AGPAT3: variants seen among roughly 807,000 people sequenced by gnomAD.
AGPAT3 encodes 1-acyl-sn-glycerol-3-phosphate acyltransferase gamma.
In AGPAT3, 5 loss-of-function variants were observed where a neutral mutation model predicts 47.3. The ratio of observed to expected loss-of-function variants is 0.11; its 90% CI spans 0.06 to 0.22. The LOEUF is 0.22. Among genes scored for constraint, AGPAT3 ranks in the 10% least tolerant of loss-of-function variants. The probability of loss-of-function intolerance (pLI) is 1.00; values close to 1 mark genes in which losing one functional copy is unlikely to be tolerated. For synonymous variants in AGPAT3, 212 were observed against 208.3 expected (o/e 1.02, Z -0.15); for missense variants, 315 against 493.0 (o/e 0.64, Z 3.42).
intron 1 of AGPAT3, among the ~76,000 whole-genome samples, chr21:43,874,872 G>A (rs1462943810): frequency 6.6e-6 from 1 of 152,176 alleles, no homozygotes; most frequent in Non-Finnish European, 1.5e-5. Context: ...ATCCACTAGG[G>A]ATTGGTTCCA....
intron 7 of AGPAT3, among the ~76,000 whole-genome samples, chr21:43,973,751 C>T (rs1753471497): frequency 1.3e-5 from 2 of 152,252 alleles, no homozygotes; most frequent in Admixed American, 6.5e-5. Flanking sequence ...GCCAGGCTCC[C>T]CACAGCATGG....
At chr21:43,906,588 G>A (rs1439707670) in intron 2 of AGPAT3, among the ~76,000 whole-genome samples, 2 of 152,104 alleles carry the variant, frequency 1.3e-5, no homozygotes, top group Non-Finnish European at 2.9e-5. Flanking sequence ...TGGGACGCTT[G>A]TTCCTCATGG....
chr21:43,975,208 C>T (rs1267026175), intron 7 of AGPAT3, among the ~76,000 whole-genome samples: 1 of 138,292 alleles, frequency 7.2e-6, no homozygotes, highest in Non-Finnish European at 1.6e-5. Flanking sequence ...GTGGTGTGTT[C>T]TGGTGTGTGC....
At chr21:43,911,531 C>T (rs1172202807) in intron 2 of AGPAT3, among the ~76,000 whole-genome samples, 1 of 152,238 alleles carries the variant, frequency 6.6e-6, no homozygotes, top group Non-Finnish European at 1.5e-5. Context: ...GATGCCGCCT[C>T]GCTGGAAGGC....
intron 2 of AGPAT3, among the ~76,000 whole-genome samples, chr21:43,918,520 TG>T (rs1016752292): frequency 4.0e-5 from 6 of 150,912 alleles, no homozygotes; most frequent in African/African-American, 1.5e-4. Flanking sequence ...AACAGAAAAA[TG>T]GGGGACACTT....
chr21:43,873,850 C>A (rs9976744), intron 1 of AGPAT3, among the ~76,000 whole-genome samples: 1 of 151,966 alleles, frequency 6.6e-6, no homozygotes, highest in African/African-American at 2.4e-5. Flanking sequence ...AACCAGCTAT[C>A]AGTCTTACTC....
At chr21:43,944,077 C>CT (rs1048539652) in intron 2 of AGPAT3, among the ~76,000 whole-genome samples, 1 of 152,236 alleles carries the variant, frequency 6.6e-6, no homozygotes, top group African/African-American at 2.4e-5. Flanking sequence ...CGCCGCCTCT[C>CT]TAAGGAGCCA....
In AGPAT3 at chr21:43,930,712, AG is replaced by A. The variant is rs1422561980; in HGVS notation, c.-49+26696del. ...TGGGCTGAGGGGAGCAGAGGGAAGCAGGGCTTGCTGGCACATTCCCAGGGGG... is the reference window on the plus strand; with the variant it reads ...TGGGCTGAGGGGAGCAGAGGGAAGCAGGCTTGCTGGCACATTCCCAGGGGG... On this transcript the variant is annotated intron_variant, in intron 2 of 9. Coordinates refer to ENST00000291572, the MANE Select transcript of AGPAT3 (RefSeq NM_020132.5). This position sits in a 1 kb window ranked among gnomAD's most constrained non-coding sequence, Gnocchi z 5.0. Among the ~76,000 whole-genome samples the A allele has an allele frequency of 1.3e-5, 2 of 152,170 alleles. No individual in the cohort carries two copies. The highest frequency in any genetic ancestry group is 2.9e-5 in the Non-Finnish European group (2 of 67,988).
intron 2 of AGPAT3, among the ~76,000 whole-genome samples, chr21:43,949,898 A>G (rs1414582961): frequency 6.6e-6 from 1 of 152,158 alleles, no homozygotes; most frequent in Non-Finnish European, 1.5e-5. Context: ...AGGGGATCAT[A>G]TATCCATATC....
chr21:43,907,029 C>CTTTTTTTTT (rs760824887), intron 2 of AGPAT3, among the ~76,000 whole-genome samples: 10 of 128,802 alleles, frequency 7.8e-5, no homozygotes, highest in Non-Finnish European at 1.1e-4. Flanking sequence ...TCTTTTCTTT[C>CTTTTTTTTT]TTTTTTTTTT....
intron 6 of AGPAT3, 128 bp from the exon 7 acceptor site, chr21:43,971,260 C>T (rs554528594): frequency 8.4e-5 from 63 of 745,674 alleles, no homozygotes; most frequent in East Asian, 7.4e-4. Flanking sequence ...CTCCCCAGGA[C>T]GGGGCCAGAC....
At chr21:43,869,249 T>G (rs1421767979) in intron 1 of AGPAT3, among the ~76,000 whole-genome samples, 2 of 152,218 alleles carry the variant, frequency 1.3e-5, no homozygotes, top group Non-Finnish European at 2.9e-5. Context: ...TATTGACTCC[T>G]CATGTGAAGA....
intron 1 of AGPAT3, among the ~76,000 whole-genome samples, chr21:43,895,289 A>G (rs1383890459): frequency 2.0e-5 from 3 of 151,402 alleles, no homozygotes; most frequent in African/African-American, 7.3e-5. Flanking sequence ...GTATTTTTTT[A>G]TTAGAGACAG....
At chr21:43,873,524 C>T (rs4818871) in intron 1 of AGPAT3, among the ~76,000 whole-genome samples, 99,051 of 151,868 alleles carry the variant, frequency 0.65, 34,014 homozygotes, top group Admixed American at 0.77. Context: ...ATTACAGGCG[C>T]GCACCACCAC....
intron 1 of AGPAT3, among the ~76,000 whole-genome samples, chr21:43,894,212 T>C (rs2086164084): frequency 1.4e-5 from 2 of 139,830 alleles, no homozygotes; most frequent in Admixed American, 1.5e-4. Flanking sequence ...TTTCTTTCTT[T>C]CTTTCTTTTT....
chr21:43,977,462 G>A (rs947664193), intron 7 of AGPAT3, among the ~76,000 whole-genome samples: 7 of 152,196 alleles, frequency 4.6e-5, no homozygotes, highest in African/African-American at 1.7e-4. Flanking sequence ...CACCCTGGGG[G>A]TTAATGCTGC....
chr21:43,946,276 A>G (rs2087884654), intron 2 of AGPAT3, among the ~76,000 whole-genome samples: 1 of 152,194 alleles, frequency 6.6e-6, no homozygotes, highest in Admixed American at 6.5e-5. Flanking sequence ...TCCACCTCCT[A>G]CATAACTTTG....
chr21:43,951,725 A>T (rs2088202299), intron 2 of AGPAT3, among the ~76,000 whole-genome samples: 1 of 152,198 alleles, frequency 6.6e-6, no homozygotes, highest in Admixed American at 6.5e-5. Context: ...TCATGGATAG[A>T]CAAACTGGTG....
chr21:43,965,384 C>CG lies in AGPAT3; in HGVS notation c.179-2561dup, dbSNP rs1164415126. On this transcript the variant is annotated intron_variant, in intron 3 of 9. Coordinates refer to ENST00000291572, the MANE Select transcript of AGPAT3 (RefSeq NM_020132.5). ...ATGTGCAGAGCTATAGGTGCTGCGGCGAAGGGTGCAGGTTTGGAGCCGTTT... is the reference window on the plus strand; with the variant it reads ...ATGTGCAGAGCTATAGGTGCTGCGGCGGAAGGGTGCAGGTTTGGAGCCGTTT... 3.9e-5 allele frequency: 6 copies of CG among 152,302 alleles called. No homozygotes were observed. In the East Asian group the frequency reaches 1.2e-3, roughly 29 times the overall value. The allele number at this position is 152,302 out of a possible 1,614,324, so 9.4% of individuals were successfully genotyped here.
Sources: gnomAD v4.1 joint callset for allele counts (sites outside exome capture counted in the v4.1 genomes callset) on GRCh38, gnomAD v4.1.1 for gene constraint, Gnocchi (gnomAD v3.1) non-coding constraint, MANE v1.5 for transcripts, NCBI Gene and HGNC (gene_info 2026-07-23, HGNC 2026-07-21) for gene names.